Variants in PDE4D observed in about 807,000 individuals in gnomAD.
The protein encoded by PDE4D is phosphodiesterase 4D.
A neutral mutation model predicts 87.4 loss-of-function variants in PDE4D; 24 were observed. The observed-to-expected ratio is 0.27, with a 90% confidence interval of 0.20 to 0.39. PDE4D has a LOEUF of 0.39. Among genes scored for constraint, PDE4D ranks in the 10% least tolerant of loss-of-function variants. The pLI, the probability that PDE4D is intolerant of heterozygous loss-of-function variation, is 1.00. For missense variants in PDE4D, 714 were observed against 1,041.0 expected (o/e 0.69, Z 4.32); for synonymous variants, 384 against 383.2 (o/e 1.00, Z -0.02).
intron 5 of PDE4D, among the ~76,000 whole-genome samples, chr5:59,104,281 G>A (rs1035843342): frequency 2.6e-5 from 4 of 152,144 alleles, no homozygotes; most frequent in African/African-American, 9.7e-5. Flanking sequence ...AAGAATTACT[G>A]AGTTAGTATT....
intron 2 of PDE4D, among the ~76,000 whole-genome samples, chr5:60,108,005 C>G (rs1777207990): frequency 6.6e-6 from 1 of 152,038 alleles, no homozygotes; most frequent in Non-Finnish European, 1.5e-5. Context: ...GAAGTTCTGA[C>G]CAGGGCAATT....
At chr5:59,276,202 C>A (rs1376209110) in intron 1 of PDE4D, 8 of 907,594 alleles carry the variant, frequency 8.8e-6, no homozygotes, top group South Asian at 5.1e-5. Flanking sequence ...AGCAAAGGGG[C>A]GGATCAGCTC....
intron 1 of PDE4D, among the ~76,000 whole-genome samples, chr5:59,302,838 T>C (rs558739218): frequency 1.6e-4 from 25 of 152,358 alleles, no homozygotes; most frequent in African/African-American, 6.0e-4. Flanking sequence ...TGTGCTGCTA[T>C]AAACATACGT....
At chr5:59,614,955 G>T (rs1169451629) in intron 1 of PDE4D, among the ~76,000 whole-genome samples, 4 of 151,550 alleles carry the variant, frequency 2.6e-5, no homozygotes, top group Non-Finnish European at 5.9e-5. Flanking sequence ...TCAGCCTCCT[G>T]AGTAGCTGAG....
chr5:60,247,887 G>C (rs550993888), intron 1 of PDE4D, among the ~76,000 whole-genome samples: 2 of 152,116 alleles, frequency 1.3e-5, no homozygotes, highest in African/African-American at 4.8e-5. Context: ...CTAGACATTG[G>C]AGATGTTGCC....
chr5:59,666,155 T>C (rs1746045022), intron 1 of PDE4D, among the ~76,000 whole-genome samples: 2 of 152,072 alleles, frequency 1.3e-5, no homozygotes, highest in Non-Finnish European at 2.9e-5. Flanking sequence ...GAGATGGGGT[T>C]TCGCCATGTT....
At chr5:60,185,818 A>C (rs1359129168) in intron 1 of PDE4D, 2 of 346,194 alleles carry the variant, frequency 5.8e-6, no homozygotes, top group Non-Finnish European at 1.1e-5. Flanking sequence ...CTGTGTTTAA[A>C]GCAATAAAAA....
At chr5:59,118,144 GGGC>G (rs1773917535) in intron 5 of PDE4D, among the ~76,000 whole-genome samples, 1 of 152,136 alleles carries the variant, frequency 6.6e-6, no homozygotes, top group Non-Finnish European at 1.5e-5. Flanking sequence ...TCAGTTTCCA[GGGC>G]TTACATTGCC....
chr5:59,768,332 G>A, intron 1 of PDE4D: 1 of 1,598,314 alleles, frequency 6.3e-7, no homozygotes, highest in Non-Finnish European at 8.5e-7. Flanking sequence ...GAATTTCTCG[G>A]AGAGATCACT....
rs527962402 is a variant in PDE4D, at chr5:59,312,815, G to C, written c.456-96847C>G. Among the ~76,000 whole-genome samples the C allele has an allele frequency of 2.6e-5, 4 of 152,256 alleles. No individual in the cohort carries two copies. The South Asian group carries it at 8.3e-4, about 32-fold the overall frequency. ...GGAGAAATGCAGGGACAAGATGCAG[G>C]CTCAACTATTGGCTGCTTTACAAGC... On this transcript the variant is annotated intron_variant, in intron 1 of 14. Coordinates refer to ENST00000340635, the MANE Select transcript of PDE4D (RefSeq NM_001104631.2).
intron 5 of PDE4D, among the ~76,000 whole-genome samples, chr5:59,161,842 G>A (rs1182090861): frequency 6.6e-6 from 1 of 152,150 alleles, no homozygotes; most frequent in African/African-American, 2.4e-5. Flanking sequence ...AGATACTAAA[G>A]TTTTCTCTTG....
intron 10 of PDE4D, among the ~76,000 whole-genome samples, 194 bp downstream of exon 10, chr5:58,989,561 G>A (rs1336050855): frequency 6.6e-6 from 1 of 152,024 alleles, no homozygotes; most frequent in African/African-American, 2.4e-5. Context: ...CACTAAATCT[G>A]TGACCAACTT....
At chr5:59,108,149 GTGTTTATCAACA>G (rs1235660808) in intron 5 of PDE4D, among the ~76,000 whole-genome samples, 1 of 152,172 alleles carries the variant, frequency 6.6e-6, no homozygotes, top group Non-Finnish European at 1.5e-5. Context: ...CTGAAACTGA[GTGTTTATCAACA>G]TTTTAAATCA....
At chr5:60,178,153 G>A (rs574337911) in intron 2 of PDE4D, among the ~76,000 whole-genome samples, 2 of 152,170 alleles carry the variant, frequency 1.3e-5, no homozygotes, top group Admixed American at 1.3e-4. Context: ...AAAAAATACT[G>A]TCCCAGTGCT....
chr5:60,287,135 C>T (rs139536843), intron 1 of PDE4D, among the ~76,000 whole-genome samples: 170 of 152,280 alleles, frequency 1.1e-3, no homozygotes, highest in African/African-American at 3.9e-3. Context: ...TACTGTGTGT[C>T]CAAGGCACTA....
At chr5:60,135,250 C>A (rs1386959383) in intron 2 of PDE4D, among the ~76,000 whole-genome samples, 1 of 152,208 alleles carries the variant, frequency 6.6e-6, no homozygotes, top group Non-Finnish European at 1.5e-5. Context: ...GACATCAAAT[C>A]TTCTGGCACC....
chr5:59,715,221 G>T (rs1243572133), intron 1 of PDE4D, among the ~76,000 whole-genome samples: 1 of 152,194 alleles, frequency 6.6e-6, no homozygotes. Flanking sequence ...TAGCAAAGTG[G>T]GGCACCTACT....
chr5:59,120,667 A>T (rs1359643319), intron 5 of PDE4D, among the ~76,000 whole-genome samples: 4 of 100,048 alleles, frequency 4.0e-5, no homozygotes, highest in Admixed American at 3.1e-4. Flanking sequence ...TCACAGAAAT[A>T]AAAAAAAACT....
At chr5:59,467,022 C>T (rs764966930) in intron 1 of PDE4D, among the ~76,000 whole-genome samples, 3 of 152,150 alleles carry the variant, frequency 2.0e-5, no homozygotes, top group East Asian at 1.9e-4. Flanking sequence ...TCAAATGTGA[C>T]GTTGTTATAA....
Sources: allele counts gnomAD v4.1 joint callset (sites outside exome capture counted in the v4.1 genomes callset), GRCh38; gene constraint gnomAD v4.1.1; transcripts MANE v1.5; gene names NCBI Gene and HGNC (gene_info 2026-07-23, HGNC 2026-07-21).